The following NEBL variants were observed in gnomAD, a reference collection of about 807,000 sequenced individuals.
NEBL encodes the protein nebulette.
In NEBL, 122 loss-of-function variants were observed where a neutral mutation model predicts 140.2. That is an observed-to-expected ratio of 0.87 (90% CI 0.75 to 1.01). The LOEUF is 1.01. Ranked by LOEUF, NEBL falls within the 50% of genes least tolerant of loss-of-function variation. The probability of loss-of-function intolerance (pLI) is 0.00; values close to 1 mark genes in which losing one functional copy is unlikely to be tolerated. For synonymous variants in NEBL, 436 were observed against 398.9 expected (o/e 1.09, Z -1.11); for missense variants, 1,365 against 1,231.3 (o/e 1.11, Z -1.62).
chr10:20,804,640 G>T (rs1837440355), intron 26 of NEBL: 1 of 152,198 alleles, frequency 6.6e-6, no homozygotes, highest in Non-Finnish European at 1.5e-5. Context: ...AAGTATTCCA[G>T]GCTGGGGGAA....
intron 3 of NEBL, among the ~76,000 whole-genome samples, chr10:21,003,877 G>C (rs1838008757): frequency 6.6e-6 from 1 of 152,126 alleles, no homozygotes; most frequent in African/African-American, 2.4e-5. Flanking sequence ...ATGTATGAAA[G>C]GGAATAAAAA....
chr10:21,150,374 T>C (rs959560394), intron 2 of NEBL, among the ~76,000 whole-genome samples: 1 of 152,228 alleles, frequency 6.6e-6, no homozygotes, highest in Admixed American at 6.5e-5. Context: ...GTCACTTTGG[T>C]GTAAAATAAC....
intron 4 of NEBL, among the ~76,000 whole-genome samples, chr10:20,950,169 A>T (rs1393696663): frequency 6.6e-6 from 1 of 152,224 alleles, no homozygotes; most frequent in Admixed American, 6.5e-5. Context: ...GCCGCAGGGC[A>T]TCGGGGGTCA....
chr10:20,955,722 TG>T (rs1251109451), intron 4 of NEBL, among the ~76,000 whole-genome samples: 1 of 152,290 alleles, frequency 6.6e-6, no homozygotes, highest in Non-Finnish European at 1.5e-5. Flanking sequence ...ACACCTCATC[TG>T]GTCATTGTGT....
chr10:21,151,378 C>CA (rs923370978), intron 2 of NEBL, among the ~76,000 whole-genome samples: 4 of 152,168 alleles, frequency 2.6e-5, no homozygotes, highest in African/African-American at 9.7e-5. Context: ...ATTTTAATGA[C>CA]AAAATGCACT....
At chr10:21,034,423 T>C (rs1307731703) in intron 2 of NEBL, among the ~76,000 whole-genome samples, 2 of 152,142 alleles carry the variant, frequency 1.3e-5, no homozygotes, top group Admixed American at 6.6e-5. Flanking sequence ...CACACCACTC[T>C]CAGCAGAGTC....
chr10:21,161,930 G>T (rs548240915), intron 2 of NEBL, among the ~76,000 whole-genome samples: 1 of 152,304 alleles, frequency 6.6e-6, no homozygotes, highest in Non-Finnish European at 1.5e-5. Flanking sequence ...TATCTAAGGG[G>T]ATGTGATCAA....
chr10:20,786,743 C>G (rs1236043683), intron 27 of NEBL, among the ~76,000 whole-genome samples: 1 of 152,178 alleles, frequency 6.6e-6, no homozygotes, highest in East Asian at 1.9e-4. Context: ...ATGTTGAACA[C>G]TTCTTCCAAG....
chr10:21,045,122 C>T (rs1251279407), intron 2 of NEBL, among the ~76,000 whole-genome samples: 1 of 152,128 alleles, frequency 6.6e-6, no homozygotes. Context: ...AAAATTAAAA[C>T]TGTATCTTTA....
At chr10:21,003,123 T>C (rs1837980530) in intron 3 of NEBL, among the ~76,000 whole-genome samples, 1 of 151,438 alleles carries the variant, frequency 6.6e-6, no homozygotes, top group Admixed American at 6.6e-5. Context: ...CTTCTTCACA[T>C]TGGGCTTCTT....
chr10:20,909,831 T>G lies in NEBL; in HGVS notation c.357+51841A>C, dbSNP rs116780903. On this transcript the variant is annotated intron_variant, in intron 4 of 6. Coordinates refer to the NEBL transcript ENST00000417816. Reference sequence around the variant, plus strand: ...AAACAATTTATACAATGGCTTTAAGTCTTAAATTAAGGAACCTAGTACAGC... The same window carrying G: ...AAACAATTTATACAATGGCTTTAAGGCTTAAATTAAGGAACCTAGTACAGC... Among the ~76,000 whole-genome samples, 1,289 of 152,208 alleles carry G rather than the reference T, an allele frequency of 8.5e-3. 16 individuals are homozygous for G. Among genetic ancestry groups the G allele is most frequent in the African/African-American group, 0.03 (1,237 of 41,536 alleles).
intron 4 of NEBL, among the ~76,000 whole-genome samples, chr10:20,910,850 G>T (rs1283034517): frequency 5.3e-5 from 8 of 150,470 alleles, no homozygotes; most frequent in African/African-American, 1.5e-4. Flanking sequence ...TTGGCCAAAG[G>T]GGGATAGGAG....
At chr10:20,944,513 A>G (rs949184998) in intron 4 of NEBL, among the ~76,000 whole-genome samples, 3 of 152,372 alleles carry the variant, frequency 2.0e-5, no homozygotes, top group South Asian at 4.1e-4. Flanking sequence ...CTGTGTTTGC[A>G]TGAGAACTAA....
intron 2 of NEBL, among the ~76,000 whole-genome samples, chr10:21,122,317 C>G (rs1031229014): frequency 6.6e-6 from 1 of 152,000 alleles, no homozygotes; most frequent in Admixed American, 6.6e-5. Flanking sequence ...TGAGCCACCA[C>G]GCCCAGCCGG....
chr10:21,255,739 G>A (rs536262424), intron 1 of NEBL, among the ~76,000 whole-genome samples: 54 of 151,978 alleles, frequency 3.6e-4, no homozygotes, highest in Non-Finnish European at 7.1e-4. Context: ...GGCTCACACC[G>A]GTAATCCCAA....
At chr10:21,238,308 G>A (rs1432320564) in intron 3 of NEBL, among the ~76,000 whole-genome samples, 1 of 152,194 alleles carries the variant, frequency 6.6e-6, no homozygotes, top group East Asian at 1.9e-4. Context: ...CAATGTCCAG[G>A]TGAATGTCTA....
intron 2 of NEBL, among the ~76,000 whole-genome samples, chr10:21,064,033 C>T (rs1235998231): frequency 6.6e-6 from 1 of 152,070 alleles, no homozygotes; most frequent in Admixed American, 6.6e-5. Flanking sequence ...GATCGCGCCA[C>T]TGTACTCCAG....
At chr10:20,843,295 C>T (rs1047106213) in intron 12 of NEBL, among the ~76,000 whole-genome samples, 2 of 152,072 alleles carry the variant, frequency 1.3e-5, no homozygotes, top group Non-Finnish European at 2.9e-5. Context: ...GTCTCCAGAA[C>T]TTTGAGAAAA....
chr10:21,172,451 A>G, exon 2 of NEBL: 1 of 1,613,378 alleles, frequency 6.2e-7, no homozygotes, highest in Non-Finnish European at 8.5e-7. Context: ...TGCAGACCTC[A>G]CAATGGAAAC....
Sources: allele counts gnomAD v4.1 joint callset (sites outside exome capture counted in the v4.1 genomes callset), GRCh38; gene constraint gnomAD v4.1.1; transcripts MANE v1.5; gene names NCBI Gene and HGNC (gene_info 2026-07-23, HGNC 2026-07-21).